Variants in MCC observed in about 807,000 individuals in gnomAD.
The protein encoded by MCC is MCC regulator of Wnt signaling pathway.
Under a neutral mutation model 116.2 loss-of-function variants are expected in MCC, and 90 were observed. The ratio of observed to expected loss-of-function variants is 0.77; its 90% CI spans 0.65 to 0.92. The LOEUF is 0.92. MCC is among the 40% of genes least tolerant of loss of function. The pLI is 0.00. For missense variants in MCC, 1,516 were observed against 1,312.2 expected (o/e 1.16, Z -2.40); for synonymous variants, 578 against 510.5 (o/e 1.13, Z -1.78).
intron 3 of MCC, among the ~76,000 whole-genome samples, chr5:113,264,949 G>A (rs959599509): frequency 1.3e-5 from 2 of 152,164 alleles, no homozygotes; most frequent in South Asian, 4.1e-4. Context: ...GGCTGCGGCA[G>A]GAGAATCGCT....
chr5:113,066,518 C>A (rs1193136709), intron 13 of MCC, among the ~76,000 whole-genome samples: 3 of 152,188 alleles, frequency 2.0e-5, no homozygotes, highest in Admixed American at 1.3e-4. Context: ...ATCAGAGCAT[C>A]ACTCTCCATA....
chr5:113,165,235 G>T (rs557380536), intron 3 of MCC, among the ~76,000 whole-genome samples: 1 of 152,152 alleles, frequency 6.6e-6, no homozygotes, highest in African/African-American at 2.4e-5. Flanking sequence ...TTCCTGTAAG[G>T]AGCTGCTTCT....
intron 3 of MCC, among the ~76,000 whole-genome samples, chr5:113,232,558 T>C (rs1295750960): frequency 6.6e-6 from 1 of 152,170 alleles, no homozygotes; most frequent in African/African-American, 2.4e-5. Flanking sequence ...GTTTACTTGG[T>C]AGTTTTTTCA....
chr5:113,245,503 C>G (rs1764540873), intron 3 of MCC, among the ~76,000 whole-genome samples: 1 of 151,890 alleles, frequency 6.6e-6, no homozygotes, highest in South Asian at 2.1e-4. Flanking sequence ...TTAGTCCTTG[C>G]CACAACCAAG....
intron 8 of MCC, among the ~76,000 whole-genome samples, chr5:113,090,777 G>A (rs6879942): frequency 0.46 from 69,619 of 152,032 alleles, 17,509 homozygotes; most frequent in African/African-American, 0.69. Flanking sequence ...GAAACTTCCC[G>A]GCATATGACA....
In MCC at chr5:113,245,011, G is replaced by A. The variant is rs559342267; in HGVS notation, c.628-93589C>T. On this transcript the variant is annotated intron_variant, in intron 3 of 18. Coordinates refer to ENST00000408903, the MANE Select transcript of MCC (RefSeq NM_001085377.2). ...ACAGAAGTGCCATATTAAATCATTC[G>A]GGTAGCTTTTGCTTCTGGAAAGCAC... Among the ~76,000 whole-genome samples, 89 of 152,260 alleles carry A rather than the reference G, an allele frequency of 5.8e-4. 1 individual carries two copies. The Middle Eastern group carries it at 0.014, about 23-fold the overall frequency.
intron 5 of MCC, among the ~76,000 whole-genome samples, chr5:113,140,709 G>C (rs1456282640): frequency 6.6e-6 from 1 of 152,062 alleles, no homozygotes; most frequent in African/African-American, 2.4e-5. Context: ...ATGATTTTTA[G>C]CTTCTCCAAT....
chr5:113,488,122 A>G (rs1772595542), intron 1 of MCC, 123 bp downstream of exon 1: 1 of 1,059,412 alleles, frequency 9.4e-7, no homozygotes, highest in Non-Finnish European at 1.3e-6. Flanking sequence ...AGTCGCGGCC[A>G]ACTTTTCCCG....
chr5:113,266,702 A>T (rs1765430800), intron 3 of MCC, among the ~76,000 whole-genome samples: 1 of 152,170 alleles, frequency 6.6e-6, no homozygotes, highest in African/African-American at 2.4e-5. Flanking sequence ...ATTTAAAGGC[A>T]CCTCAGCACT....
intron 1 of MCC, among the ~76,000 whole-genome samples, chr5:113,476,040 A>C (rs752767999): frequency 2.0e-5 from 3 of 152,226 alleles, no homozygotes; most frequent in Non-Finnish European, 4.4e-5. Flanking sequence ...ACTCAAAATA[A>C]AAAGACTGTA....
At chr5:113,385,940 T>C (rs907612558) in intron 1 of MCC, among the ~76,000 whole-genome samples, 2 of 152,104 alleles carry the variant, frequency 1.3e-5, no homozygotes, top group Admixed American at 1.3e-4. Flanking sequence ...GTATCCAGCC[T>C]ATAGAGTCTC....
intron 3 of MCC, among the ~76,000 whole-genome samples, chr5:113,192,776 G>T (rs1762208632): frequency 6.6e-6 from 1 of 152,204 alleles, no homozygotes; most frequent in Admixed American, 6.5e-5. Context: ...TCAACTAAGA[G>T]ATGACACATG....
At chr5:113,486,479 T>C (rs1218534361) in intron 1 of MCC, among the ~76,000 whole-genome samples, 1 of 152,224 alleles carries the variant, frequency 6.6e-6, no homozygotes, top group African/African-American at 2.4e-5. Flanking sequence ...AATATATTAA[T>C]AGGCCAAATT....
chr5:113,044,915 C>T (rs115434844), intron 16 of MCC, among the ~76,000 whole-genome samples: 2 of 152,258 alleles, frequency 1.3e-5, no homozygotes, highest in African/African-American at 4.8e-5. Context: ...CAGAGAGGCA[C>T]GAATTCAGTG....
At chr5:113,433,473 C>T in intron 1 of MCC, 1 of 614,960 alleles carries the variant, frequency 1.6e-6, no homozygotes, top group Non-Finnish European at 2.9e-6. Flanking sequence ...GAGACAGGCT[C>T]TGTGTCCAGC....
chr5:113,300,692 C>CT (rs941593595), intron 3 of MCC, among the ~76,000 whole-genome samples: 20 of 152,014 alleles, frequency 1.3e-4, no homozygotes, highest in African/African-American at 4.6e-4. Flanking sequence ...AATCTATAAG[C>CT]TCACCCCACT....
intron 4 of MCC, among the ~76,000 whole-genome samples, chr5:113,150,429 C>T (rs1759784250): frequency 6.6e-6 from 1 of 151,778 alleles, no homozygotes; most frequent in Admixed American, 6.6e-5. Context: ...AAACAAAATC[C>T]CCCAAACAAA....
At chr5:113,071,903 C>T (rs1274476619) in intron 11 of MCC, among the ~76,000 whole-genome samples, 2 of 152,146 alleles carry the variant, frequency 1.3e-5, no homozygotes, top group Non-Finnish European at 2.9e-5. Context: ...TGGATTGTAC[C>T]CAAAGCTGCT....
intron 1 of MCC, among the ~76,000 whole-genome samples, chr5:113,458,768 A>G (rs1354070668): frequency 6.6e-6 from 1 of 152,174 alleles, no homozygotes; most frequent in African/African-American, 2.4e-5. Context: ...ACACACAGAA[A>G]GAGTGCTTAA....
Sources: gnomAD v4.1 joint callset for allele counts (sites outside exome capture counted in the v4.1 genomes callset) on GRCh38, gnomAD v4.1.1 for gene constraint, MANE v1.5 for transcripts, NCBI Gene and HGNC (gene_info 2026-07-23, HGNC 2026-07-21) for gene names.